The following C1orf167 variants were observed in gnomAD, a reference collection of about 807,000 sequenced individuals.
The protein encoded by C1orf167 is uncharacterized protein C1orf167.
C1orf167 carries 153 observed loss-of-function variants against 176.5 expected under a neutral mutation model. The ratio of observed to expected loss-of-function variants is 0.87; its 90% CI spans 0.76 to 0.99. C1orf167 has a LOEUF of 0.99. Among genes scored for constraint, C1orf167 ranks in the 50% least tolerant of loss-of-function variants. The pLI is 0.00. For missense variants in C1orf167, 1,490 were observed against 1,817.7 expected, an observed-to-expected ratio of 0.82 and a Z score of 3.28; for synonymous variants, 594 against 752.7, an observed-to-expected ratio of 0.79 and a Z score of 3.45.
intron 8 of C1orf167, among the ~76,000 whole-genome samples, chr1:11,773,624 C>T (rs1438605896): frequency 6.6e-6 from 1 of 152,092 alleles, no homozygotes; most frequent in African/African-American, 2.4e-5. Context: ...ATGAGAATTG[C>T]TTGAACCCGG....
intron 13 of C1orf167, among the ~76,000 whole-genome samples, chr1:11,780,408 C>G (rs551058581): frequency 1.2e-3 from 186 of 152,234 alleles, no homozygotes; most frequent in South Asian, 8.3e-3. Context: ...CTCACCACCC[C>G]CCATACCCTC....
intron 20 of C1orf167, 130 bp downstream of exon 20, chr1:11,788,876 G>A: frequency 1.5e-6 from 1 of 678,984 alleles, no homozygotes; most frequent in South Asian, 1.6e-5. Context: ...CGTTTTCAGG[G>A]GAGGGGGTCA....
At chr1:11,763,071 G>A (rs1427967650) in intron 1 of C1orf167, among the ~76,000 whole-genome samples, 2 of 152,188 alleles carry the variant, frequency 1.3e-5, no homozygotes, top group Non-Finnish European at 2.9e-5. Context: ...AGCAGCCAGG[G>A]GGCTGGTGTG....
chr1:11,766,495 G>A lies in C1orf167; in HGVS notation c.709G>A (p.Val237Ile), dbSNP rs1487475050. Residue 237 changes from valine to isoleucine, a missense_variant, in exon 3 of 21, where the codon GTC becomes ATC. Coordinates refer to ENST00000688073, the MANE Select transcript of C1orf167 (RefSeq NM_001010881.2). This position sits in a 1 kb window ranked among gnomAD's most constrained non-coding sequence, Gnocchi z 4.5. Reference sequence around the variant, plus strand: ...GACTCAGGCCCCATCCCGTGCTGCCGTCCACCAGCTGCTGGCTTCTGTACA... The same window carrying A: ...GACTCAGGCCCCATCCCGTGCTGCCATCCACCAGCTGCTGGCTTCTGTACA... ...NQTQAPSRAA[V>I]HQLLASVHCL... The A allele has an allele frequency of 5.5e-6, 7 of 1,282,078 alleles. No individual in the cohort carries two copies. The highest frequency in any genetic ancestry group is 5.6e-5 in the East Asian group (1 of 17,962). The allele number at this position is 1,282,078 out of a possible 1,614,324, so 79.4% of individuals were successfully genotyped here. A position where few individuals can be genotyped will look rare whatever the true frequency, so the allele number is the denominator to read the frequency against.
chr1:11,763,614 G>A (rs1164775708), intron 1 of C1orf167, among the ~76,000 whole-genome samples: 1 of 152,214 alleles, frequency 6.6e-6, no homozygotes, highest in African/African-American at 2.4e-5. Flanking sequence ...CTGGCCTACA[G>A]CCTTGAAGGC....
rs1182878328 is a variant in C1orf167 at position 11,789,471 on chromosome 1, G to C, written c.*25G>C. Reference sequence around the variant, plus strand: ...ACTTGTTCTCATAGAATAAAAAACAGAACTGAACTTAGCCTTCCCAGGGAA... The same window carrying C: ...ACTTGTTCTCATAGAATAAAAAACACAACTGAACTTAGCCTTCCCAGGGAA... On this transcript the variant is annotated 3_prime_UTR_variant, in exon 21 of 21. Transcript: ENST00000688073. 5.4e-6 allele frequency: 7 copies of C among 1,300,200 alleles called. No individual in the cohort carries two copies. The highest frequency in any genetic ancestry group is 4.6e-5 in the African/African-American group (3 of 65,682). 80.5% of individuals were successfully genotyped at this position (1,300,200 alleles called of 1,614,324 possible). A position where few individuals can be genotyped will look rare whatever the true frequency, so the allele number is the denominator to read the frequency against.
intron 13 of C1orf167, among the ~76,000 whole-genome samples, chr1:11,781,872 T>A (rs1309064873): frequency 1.3e-5 from 2 of 149,404 alleles, no homozygotes; most frequent in African/African-American, 5.0e-5. Flanking sequence ...ATTGGGCCAC[T>A]GCACTCCAGC....
chr1:11,777,432 C>T (rs1168330901), intron 10 of C1orf167: 1 of 152,638 alleles, frequency 6.6e-6, no homozygotes, highest in Admixed American at 6.5e-5. Context: ...CAGTGGATCA[C>T]CTGAGGTCAG....
chr1:11,783,019 C>T (rs567273339), intron 14 of C1orf167, among the ~76,000 whole-genome samples: 27 of 151,848 alleles, frequency 1.8e-4, no homozygotes, highest in African/African-American at 6.3e-4. Flanking sequence ...TGTACACTGT[C>T]GCTAAGAGAA....
chr1:11,783,063 T>C (rs961632103), intron 14 of C1orf167, among the ~76,000 whole-genome samples: 3 of 152,076 alleles, frequency 2.0e-5, no homozygotes, highest in Middle Eastern at 3.2e-3. Context: ...AAAGATGTTC[T>C]GGTGGAACAT....
rs1167184305 is a variant in C1orf167 at position 11,766,701 on chromosome 1, T to C, written c.915T>C (p.Thr305=). The change falls in exon 3 of 21, where the codon ACT becomes ACC. Residue 305 remains threonine (T), a synonymous_variant. Transcript: ENST00000688073. The surrounding 1 kb of genome is among the most constrained non-coding windows in gnomAD (Gnocchi z 4.5). ...GACGCCTTCGAGGCCACAGGGAAAC[T>C]GCGGCTTTCTTGGAGACCCCGGCTA... ...RRRRLRGHRE[T]AAFLETPASL... The C allele has an allele frequency of 7.8e-7, 1 of 1,289,664 alleles. No individual in the cohort carries two copies. Among genetic ancestry groups the C allele is most frequent in the Admixed American group, 2.3e-5 (1 of 43,556 alleles). The allele number at this position is 1,289,664 out of a possible 1,614,324, so 79.9% of individuals were successfully genotyped here. A position where few individuals can be genotyped will look rare whatever the true frequency, so the allele number is the denominator to read the frequency against.
chr1:11,776,272 C>CA (rs1334175201), intron 9 of C1orf167, among the ~76,000 whole-genome samples, 192 bp from the exon 10 acceptor site: 4 of 151,274 alleles, frequency 2.6e-5, no homozygotes, highest in South Asian at 4.2e-4. Context: ...AAACAAAAAA[C>CA]AAAAAACAAA....
rs1221520887 is a variant in C1orf167, at chr1:11,788,625, G to A, written c.4079-27G>A. The A allele has an allele frequency of 4.6e-6, 6 of 1,301,048 alleles. No homozygotes were observed. The African/African-American group carries it at 9.1e-5, about 20-fold the overall frequency. The allele number at this position is 1,301,048 out of a possible 1,614,324, so 80.6% of individuals were successfully genotyped here. A position where few individuals can be genotyped will look rare whatever the true frequency, so the allele number is the denominator to read the frequency against. On this transcript the variant is annotated intron_variant, in intron 19 of 20. Coordinates refer to ENST00000688073, the MANE Select transcript of C1orf167 (RefSeq NM_001010881.2). ...ACTGCGGGGGAGCGTGAGCACAAGA[G>A]GCCTTCTCTGCCAACTGTCCCCAAA...
In C1orf167 at chr1:11,766,038, A is replaced by G; in HGVS notation, c.252A>G (p.Leu84=). 6 of 1,289,860 alleles carry G rather than the reference A, an allele frequency of 4.7e-6. No individual in the cohort carries two copies. Among genetic ancestry groups the G allele is most frequent in the Non-Finnish European group, 6.1e-6 (6 of 988,876 alleles). 79.9% of individuals were successfully genotyped at this position (1,289,860 alleles called of 1,614,324 possible). ...CCAGCCCTGGTCCCCGCCTGGGCCT[A>G]GCTCTGAAGGACACGACTGGCCAAC... ...NLASPGPRLG[L]ALKDTTGQLV... is the part of the protein sequence containing the mutation. The change falls in exon 3 of 21, where the codon CTA becomes CTG. Residue 84 remains leucine (L), a synonymous_variant. Transcript: ENST00000688073. The surrounding 1 kb of genome is among the most constrained non-coding windows in gnomAD (Gnocchi z 4.5).
At position 11,785,205 on chromosome 1, in the gene C1orf167, C is replaced by T; in HGVS notation, c.3483C>T (p.Leu1161=). Residue 1161 remains leucine (L), a synonymous_variant, in exon 16 of 21, where the codon CTC becomes CTT. Coordinates refer to ENST00000688073, the MANE Select transcript of C1orf167 (RefSeq NM_001010881.2). ...GCGGCGGTGTCCAGCGAGCCATCCT[C>T]ACCCAGCTCCGGCCGGCTGAGCTCA... ...AVRGGVQRAI[L]TQLRPAELRR... 2 of 1,291,812 alleles carry T rather than the reference C, an allele frequency of 1.5e-6. No homozygotes were observed. Among genetic ancestry groups the T allele is most frequent in the South Asian group, 1.2e-5 (1 of 81,004 alleles). 80.0% of individuals were successfully genotyped at this position (1,291,812 alleles called of 1,614,324 possible). A position where few individuals can be genotyped will look rare whatever the true frequency, so the allele number is the denominator to read the frequency against.
intron 14 of C1orf167, 114 bp from the exon 15 acceptor site, chr1:11,784,060 G>A (rs1002940711): frequency 3.1e-6 from 3 of 965,990 alleles, no homozygotes; most frequent in Non-Finnish European, 2.7e-6. Context: ...GTTTCACCAC[G>A]TTGGTCAGGC....
Position 11,778,799 on chromosome 1 carries a change from C to G in C1orf167, c.2479C>G (p.Gln827Glu), listed in dbSNP as rs919416427. The G allele has an allele frequency of 7.7e-7, 1 of 1,300,622 alleles. No homozygotes were observed. The highest frequency in any genetic ancestry group is 1.5e-5 in the African/African-American group (1 of 65,370). 80.6% of individuals were successfully genotyped at this position (1,300,622 alleles called of 1,614,324 possible). ...ALEPLSSSTL[Q>E]DSLEKVPRAP... ...GGAGCCACTGAGCAGCAGCACACTCCAAGACTCTCTGGAGAAGGTGAGAGG... is the reference window on the plus strand; with the variant it reads ...GGAGCCACTGAGCAGCAGCACACTCGAAGACTCTCTGGAGAAGGTGAGAGG... The change falls in exon 11 of 21, where the codon CAA (glutamine) becomes GAA (glutamate). Residue 827 changes from glutamine to glutamate, a missense_variant. Physicochemically the swap from Gln to Glu is conservative, Grantham distance 29. Transcript: ENST00000688073.
chr1:11,776,444 G>A lies in C1orf167; in HGVS notation c.2165-20G>A, dbSNP rs1643319556. 7 of 1,297,052 alleles carry A rather than the reference G, an allele frequency of 5.4e-6. No homozygotes were observed. The highest frequency in any genetic ancestry group is 1.5e-5 in the African/African-American group (1 of 65,680). The allele number at this position is 1,297,052 out of a possible 1,614,324, so 80.3% of individuals were successfully genotyped here. A position where few individuals can be genotyped will look rare whatever the true frequency, so the allele number is the denominator to read the frequency against. ...AGGTCAGTGGGGAGGCAGCTGACTG[G>A]ACTCTTGACGGTTTCTCAGGACGTG... On this transcript the variant is annotated intron_variant, in intron 9 of 20. Transcript: ENST00000688073.
Position 11,784,229 on chromosome 1 carries a change from C to T in C1orf167, c.3061C>T (p.His1021Tyr), listed in dbSNP as rs1278503977. 2 of 1,288,914 alleles carry T rather than the reference C, an allele frequency of 1.6e-6. No individual in the cohort carries two copies. Among genetic ancestry groups the T allele is most frequent in the Admixed American group, 4.8e-5 (2 of 41,934 alleles). The allele number at this position is 1,288,914 out of a possible 1,614,324, so 79.8% of individuals were successfully genotyped here. A position where few individuals can be genotyped will look rare whatever the true frequency, so the allele number is the denominator to read the frequency against. ...VRDTGVLRAQ[H>Y]QAFQDGLRRR... ...AGACACGGGGGTGCTCCGGGCCCAG[C>T]ATCAAGCCTTTCAGGATGGCCTGAG... Residue 1021 changes from histidine to tyrosine, a missense_variant, in exon 15 of 21, where the codon CAT (histidine) becomes TAT (tyrosine). His to Tyr is a moderately conservative substitution (Grantham distance 83, BLOSUM62 2). Coordinates refer to ENST00000688073, the MANE Select transcript of C1orf167 (RefSeq NM_001010881.2).
Sources: allele counts gnomAD v4.1 joint callset (sites outside exome capture counted in the v4.1 genomes callset), GRCh38; gene constraint gnomAD v4.1.1; non-coding constraint Gnocchi (gnomAD v3.1); transcripts MANE v1.5; gene names NCBI Gene and HGNC (gene_info 2026-07-23, HGNC 2026-07-21).